The following TRIM36 variants were observed in gnomAD, a reference collection of about 807,000 sequenced individuals.
The protein encoded by TRIM36 is E3 ubiquitin-protein ligase TRIM36.
Under a neutral mutation model 72.4 loss-of-function variants are expected in TRIM36, and 42 were observed. That is an observed-to-expected ratio of 0.58 (90% confidence interval 0.45 to 0.75). The LOEUF (loss-of-function observed/expected upper bound fraction) is 0.75. TRIM36 is among the 30% of genes least tolerant of loss of function. TRIM36 has a pLI of 0.00. For synonymous variants in TRIM36, 315 were observed against 282.8 expected (o/e 1.11, Z -1.14); for missense variants, 913 against 857.1 (o/e 1.07, Z -0.81).
chr5:115,173,302 CT>C (rs1755197377), upstream of TRIM36, among the ~76,000 whole-genome samples: 1 of 152,198 alleles, frequency 6.6e-6, no homozygotes. Flanking sequence ...CTTTCTCATC[CT>C]CACAGCTGAT....
In TRIM36 at chr5:115,126,748, A is replaced by C. The variant is rs780609315; in HGVS notation, c.1906T>G (p.Ser636Ala). 2 of 1,614,020 alleles carry C rather than the reference A, an allele frequency of 1.2e-6. No homozygotes were observed. The change falls in exon 10 of 10, where the codon TCA becomes GCA. Residue 636 changes from serine (S) to alanine (A), a missense_variant. Coordinates refer to ENST00000513154, the MANE Select transcript of TRIM36 (RefSeq NM_001300759.2). ...IGMQKFFIPK[S>A]PTSSNEPENR... ...TCAGGTTCATTAGAAGAAGTAGGTG[A>C]CTTGGGTATAAAAAATTTCTGCATG...
rs371559342 is a variant in TRIM36 at position 115,145,948 on chromosome 5, G to A, written c.588+1121C>T. On this transcript the variant is annotated intron_variant, in intron 3 of 9. Transcript: ENST00000513154. ...ATTTGCCTATACCATTTTGGACACC[G>A]TTTTAGAATTTTACTATATTGAGTA... Among the ~76,000 whole-genome samples the A allele has an allele frequency of 1.1e-4, 17 of 152,244 alleles. No individual in the cohort carries two copies. The South Asian group carries it at 3.3e-3, about 30-fold the overall frequency.
chr5:115,150,039 T>C (rs1018362665), intron 2 of TRIM36, among the ~76,000 whole-genome samples: 3 of 152,164 alleles, frequency 2.0e-5, no homozygotes, highest in African/African-American at 7.2e-5. Flanking sequence ...GATTACAGGC[T>C]TCAGCCACCG....
chr5:115,147,089 T>A lies in TRIM36; in HGVS notation c.568A>T (p.Thr190Ser). The change falls in exon 3 of 10, where the codon ACT becomes TCT. Residue 190 changes from threonine (T) to serine (S), a missense_variant. Physicochemically the swap from Thr to Ser is moderately conservative, Grantham distance 58. Transcript: ENST00000513154. ...IKAQHEYVGP[T>S]TNFRPKILMC... ...CTTACCTTGGGTCTGAAGTTAGTAG[T>A]TGGACCAACATACTCATGTTGAGCT... 1 of 1,612,786 alleles carries A rather than the reference T, an allele frequency of 6.2e-7. No homozygotes were observed. Among genetic ancestry groups the A allele is most frequent in the Non-Finnish European group, 8.5e-7 (1 of 1,178,912 alleles).
At chr5:115,132,782 A>G (rs572953878) in intron 8 of TRIM36, among the ~76,000 whole-genome samples, 6 of 152,266 alleles carry the variant, frequency 3.9e-5, no homozygotes, top group East Asian at 1.9e-4. Flanking sequence ...CCCCTCCACT[A>G]TGTGACTGAA....
intron 1 of TRIM36, among the ~76,000 whole-genome samples, chr5:115,176,417 TTAAAA>T (rs1424654835): frequency 2.0e-5 from 3 of 152,208 alleles, no homozygotes; most frequent in African/African-American, 7.2e-5. Context: ...ATGTTCAAAG[TTAAAA>T]TAATTCACCA....
intron 7 of TRIM36, among the ~76,000 whole-genome samples, chr5:115,135,320 G>A (rs1426340969): frequency 1.3e-5 from 2 of 152,026 alleles, no homozygotes; most frequent in Non-Finnish European, 2.9e-5. Context: ...GCATTTCTGT[G>A]TATGCTGCAT....
At chr5:115,159,099 CTAA>C (rs1427588245) in intron 2 of TRIM36, among the ~76,000 whole-genome samples, 1 of 152,088 alleles carries the variant, frequency 6.6e-6, no homozygotes. Context: ...TTCAGAAAGT[CTAA>C]TAAAGGAGTG....
Position 115,143,318 on chromosome 5 carries a change from T to C in TRIM36, c.735+1280A>G, listed in dbSNP as rs148154989. ...CTTTTACTTCAATAGTCAGATAAAA[T>C]TAGCCCTTAAAATTAAATGCTGTTC... On this transcript the variant is annotated intron_variant, in intron 4 of 9. Transcript: ENST00000513154. Among the ~76,000 whole-genome samples the C allele has an allele frequency of 8.2e-4, 122 of 148,132 alleles. 1 individual carries two copies. The East Asian group carries it at 0.023, about 28-fold the overall frequency.
chr5:115,154,206 C>A (rs894279270), intron 2 of TRIM36, among the ~76,000 whole-genome samples: 1 of 149,388 alleles, frequency 6.7e-6, no homozygotes, highest in South Asian at 2.2e-4. Flanking sequence ...CGAAAGTTCA[C>A]AGCCCTAAAC....
At chr5:115,148,413 T>TTA in intron 2 of TRIM36, 145 of 844,660 alleles carry the variant, frequency 1.7e-4, no homozygotes, top group East Asian at 3.0e-4. Context: ...TGTAAATCTG[T>TTA]TCTTTTTTTT....
At chr5:115,129,847 T>C (rs1187868424) in intron 9 of TRIM36, among the ~76,000 whole-genome samples, 1 of 152,200 alleles carries the variant, frequency 6.6e-6, no homozygotes, top group Non-Finnish European at 1.5e-5. Flanking sequence ...ATATTTTGGA[T>C]AATACTGCAT....
Position 115,163,561 on chromosome 5 carries a change from G to A in TRIM36, c.219C>T (p.Leu73=), listed in dbSNP as rs1001155035. 9 of 1,614,060 alleles carry A rather than the reference G, an allele frequency of 5.6e-6. No individual in the cohort carries two copies. Among genetic ancestry groups the A allele is most frequent in the Non-Finnish European group, 7.6e-6 (9 of 1,180,046 alleles). The change falls in exon 2 of 10, where the codon CTC becomes CTT. Residue 73 remains leucine (L), a synonymous_variant. Coordinates refer to ENST00000513154, the MANE Select transcript of TRIM36 (RefSeq NM_001300759.2). ...NSNQSSPRLR[L]PSPSMDKIDR... is the part of the protein sequence containing the mutation. ...CAATTTTATCCATACTAGGGGAGGG[G>A]AGCCGAAGTCGAGGACTGCTTTGAT...
intron 1 of TRIM36, among the ~76,000 whole-genome samples, chr5:115,164,933 T>C (rs1452077618): frequency 6.6e-6 from 1 of 152,070 alleles, no homozygotes; most frequent in Non-Finnish European, 1.5e-5. Flanking sequence ...CCATTCCAAA[T>C]GGGAAAAATT....
Position 115,169,704 on chromosome 5 carries a change from G to A in TRIM36, c.-70C>T. On this transcript the variant is annotated 5_prime_UTR_variant, in exon 1 of 10. Coordinates refer to ENST00000513154, the MANE Select transcript of TRIM36 (RefSeq NM_001300759.2). ...CCGGCTACCGAGCGCAGGGTCTGGT[G>A]GGCGGGTCCCTGCGGCGGCCGTGGA... 1 of 1,498,128 alleles carries A rather than the reference G, an allele frequency of 6.7e-7. No homozygotes were observed. The highest frequency in any genetic ancestry group is 8.9e-7 in the Non-Finnish European group (1 of 1,123,664). 92.8% of individuals were successfully genotyped at this position (1,498,128 alleles called of 1,614,324 possible).
At chr5:115,137,232 G>A in intron 6 of TRIM36, 108 bp from the exon 7 acceptor site, 1 of 1,473,580 alleles carries the variant, frequency 6.8e-7, no homozygotes. Flanking sequence ...CAAAATTAAA[G>A]TTAAGAATGA....
At chr5:115,134,294 C>A in intron 7 of TRIM36, 147 bp from the exon 8 acceptor site, 1 of 490,444 alleles carries the variant, frequency 2.0e-6, no homozygotes. Context: ...ATAGAAAGCA[C>A]AAAAATTAAA....
Position 115,147,272 on chromosome 5 carries a change from T to G in TRIM36, c.385A>C (p.Ile129Leu). 1 of 1,614,188 alleles carries G rather than the reference T, an allele frequency of 6.2e-7. No homozygotes were observed. The highest frequency in any genetic ancestry group is 8.5e-7 in the Non-Finnish European group (1 of 1,180,026). The change falls in exon 3 of 10, where the codon ATT becomes CTT. Residue 129 changes from isoleucine (I) to leucine (L), a missense_variant. Coordinates refer to ENST00000513154, the MANE Select transcript of TRIM36 (RefSeq NM_001300759.2). The stretch of plus-strand genomic sequence containing the variant: ...GCTGCTTGACGATATCTTTCCACAA[T>G]AGTTTCCAAAGTGAAGTTTCGAAAC... ...GLFRNFTLET[I>L]VERYRQAARA...
chr5:115,130,484 T>C lies in TRIM36; in HGVS notation c.1796+108A>G, dbSNP rs577323128. 10 of 1,294,766 alleles carry C rather than the reference T, an allele frequency of 7.7e-6. No homozygotes were observed. The South Asian group carries it at 1.2e-4, about 16-fold the overall frequency. The allele number at this position is 1,294,766 out of a possible 1,614,324, so 80.2% of individuals were successfully genotyped here. On this transcript the variant is annotated intron_variant, in intron 9 of 9. Transcript: ENST00000513154. The stretch of plus-strand genomic sequence containing the variant: ...CTCAATCAAGCCACAGCCAAAATAC[T>C]AGAATCTAAGAAATAAGAAATGTAT...
Sources: allele counts gnomAD v4.1 joint callset (sites outside exome capture counted in the v4.1 genomes callset), GRCh38; gene constraint gnomAD v4.1.1; transcripts MANE v1.5; gene names NCBI Gene and HGNC (gene_info 2026-07-23, HGNC 2026-07-21).